The following INTS7 variants were observed in gnomAD, a reference collection of about 807,000 sequenced individuals.
INTS7 encodes chromosome 1 open reading frame 73.
Under a neutral mutation model 109.2 loss-of-function variants are expected in INTS7, and 46 were observed. That is an observed-to-expected ratio of 0.42 (90% confidence interval 0.33 to 0.54). INTS7 has a LOEUF of 0.54. Among genes scored for constraint, INTS7 ranks in the 20% least tolerant of loss-of-function variants. The probability of loss-of-function intolerance (pLI) is 0.07; values close to 1 mark genes in which losing one functional copy is unlikely to be tolerated. For synonymous variants in INTS7, 412 were observed against 402.9 expected, an observed-to-expected ratio of 1.02 and a Z score of -0.27; for missense variants, 929 against 1,132.4, an observed-to-expected ratio of 0.82 and a Z score of 2.58.
rs535685360 is a variant in INTS7 at position 211,944,901 on chromosome 1, C to T, written c.2484G>A (p.Ala828=). 6 of 1,614,220 alleles carry T rather than the reference C, an allele frequency of 3.7e-6. No homozygotes were observed. The highest frequency in any genetic ancestry group is 4.2e-6 in the Non-Finnish European group (5 of 1,180,016). ...GCTGAACCACTCCCTCTACCTTTAG[C>T]GCCAGCTGCTGGTTATTCTGGACAG... The part of the protein sequence containing the change: ...PIAVQNNQQL[A]LKVEGVVQHG... The change falls in exon 19 of 20, where the codon GCG becomes GCA. Residue 828 remains alanine (A), a synonymous_variant. Transcript: ENST00000366994.
At chr1:211,992,968 T>TC (rs1665209295) in intron 7 of INTS7, among the ~76,000 whole-genome samples, 1 of 152,218 alleles carries the variant, frequency 6.6e-6, no homozygotes, top group Non-Finnish European at 1.5e-5. Context: ...CTGGCTTAAC[T>TC]CACTACTCAA....
At chr1:211,967,352 T>C (rs1171067766) in intron 15 of INTS7, among the ~76,000 whole-genome samples, 1 of 145,820 alleles carries the variant, frequency 6.9e-6, no homozygotes, top group Non-Finnish European at 1.5e-5. Context: ...CTAGGGAGGC[T>C]GGGGCAGGAG....
At chr1:211,968,278 T>TA (rs1357997318) in intron 14 of INTS7, among the ~76,000 whole-genome samples, 4 of 152,210 alleles carry the variant, frequency 2.6e-5, no homozygotes, top group African/African-American at 4.8e-5. Flanking sequence ...CTCAAGTTTT[T>TA]AAAAAAATCT....
At chr1:212,009,797 C>G (rs185354236) in intron 5 of INTS7, among the ~76,000 whole-genome samples, 1 of 152,264 alleles carries the variant, frequency 6.6e-6, no homozygotes, top group East Asian at 1.9e-4. Flanking sequence ...AGTGATGCTT[C>G]CTTCTAATGT....
At chr1:211,952,830 G>A in intron 16 of INTS7, 129 bp from the exon 17 acceptor site, 1 of 895,054 alleles carries the variant, frequency 1.1e-6, no homozygotes, top group Non-Finnish European at 1.7e-6. Flanking sequence ...ATTTACAGGT[G>A]AGAAAATTGA....
intron 1 of INTS7, among the ~76,000 whole-genome samples, chr1:212,028,306 T>G (rs951535641): frequency 2.6e-5 from 4 of 152,366 alleles, no homozygotes; most frequent in African/African-American, 9.6e-5. Context: ...CAAATCATAC[T>G]TCACATAAAA....
At position 211,967,871 on chromosome 1, in the gene INTS7, G is replaced by A. The variant is rs1481993676; in HGVS notation, c.2114+7C>T. 3.3e-6 allele frequency: 5 copies of A among 1,508,602 alleles called. No individual in the cohort carries two copies. Among genetic ancestry groups the A allele is most frequent in the Admixed American group, 1.7e-5 (1 of 57,442 alleles). 93.5% of individuals were successfully genotyped at this position (1,508,602 alleles called of 1,614,324 possible). Reference sequence around the variant, plus strand: ...GAACAAGAAGTACTAGGGCAAGCTTGGGATACAGTTCAACATTCCTCAAAG... The same window carrying A: ...GAACAAGAAGTACTAGGGCAAGCTTAGGATACAGTTCAACATTCCTCAAAG... On this transcript the variant is annotated splice_region_variant and intron_variant, in intron 15 of 19. Coordinates refer to ENST00000366994, the MANE Select transcript of INTS7 (RefSeq NM_015434.4).
At chr1:211,956,827 G>A (rs1663382956) in intron 16 of INTS7, among the ~76,000 whole-genome samples, 1 of 152,078 alleles carries the variant, frequency 6.6e-6, no homozygotes, top group South Asian at 2.1e-4. Flanking sequence ...TTATCCATTA[G>A]CCTACTGAGA....
Position 211,941,788 on chromosome 1 carries a change from G to T in INTS7, c.*36C>A. ...CCAAACTGTTTCTGGCAATTTGATT[G>T]ATCTCTTGAGAGTCTGCAGTGCATT... On this transcript the variant is annotated 3_prime_UTR_variant, in exon 20 of 20. Transcript: ENST00000366994. The T allele has an allele frequency of 6.3e-7, 1 of 1,588,810 alleles. No homozygotes were observed.
rs1324242602 is a variant in INTS7, at chr1:212,006,714, T to C, written c.804A>G (p.Val268=). The change falls in exon 7 of 20, where the codon GTA becomes GTG. Residue 268 remains valine, a synonymous_variant. Coordinates refer to ENST00000366994, the MANE Select transcript of INTS7 (RefSeq NM_015434.4). ...TCAGATCTTGAATAGCAAGTCTCTT[T>C]ACTGCCTTCCTGGGATCATTCTTCA... The part of the protein sequence containing the change: ...QYLKNDPRKA[V]KRLAIQDLKL... 2 of 1,604,778 alleles carry C rather than the reference T, an allele frequency of 1.2e-6. No individual in the cohort carries two copies. Among genetic ancestry groups the C allele is most frequent in the Non-Finnish European group, 1.7e-6 (2 of 1,172,768 alleles).
At chr1:212,034,049 C>T (rs1329142766) in intron 1 of INTS7, among the ~76,000 whole-genome samples, 2 of 151,924 alleles carry the variant, frequency 1.3e-5, no homozygotes, top group African/African-American at 4.8e-5. Flanking sequence ...CGCCACTGCA[C>T]TCTAGCCTGG....
intron 1 of INTS7, among the ~76,000 whole-genome samples, chr1:212,024,087 C>A (rs1484207166): frequency 6.6e-6 from 1 of 152,066 alleles, no homozygotes. Flanking sequence ...TGTACCAGTA[C>A]CATGCTGTTT....
chr1:211,991,887 C>T (rs1417786845), intron 7 of INTS7, among the ~76,000 whole-genome samples: 1 of 152,120 alleles, frequency 6.6e-6, no homozygotes, highest in Non-Finnish European at 1.5e-5. Flanking sequence ...AGTTAAGTGC[C>T]AAAGAGGCCA....
intron 7 of INTS7, among the ~76,000 whole-genome samples, chr1:212,003,339 A>T (rs1364596528): frequency 6.6e-6 from 1 of 150,710 alleles, no homozygotes; most frequent in East Asian, 1.9e-4. Flanking sequence ...TTCAAAGAGT[A>T]TTACTATTTT....
At chr1:211,957,648 T>C (rs1663430952) in intron 16 of INTS7, among the ~76,000 whole-genome samples, 1 of 152,222 alleles carries the variant, frequency 6.6e-6, no homozygotes, top group African/African-American at 2.4e-5. Context: ...GAATATTTTC[T>C]TGCTGTCCGT....
chr1:211,995,756 G>C (rs1334069017), intron 7 of INTS7, among the ~76,000 whole-genome samples: 1 of 152,172 alleles, frequency 6.6e-6, no homozygotes, highest in East Asian at 1.9e-4. Flanking sequence ...AGGCCATAGG[G>C]AAGGAGCCCT....
At chr1:212,018,987 C>T (rs991761362) in intron 3 of INTS7, among the ~76,000 whole-genome samples, 3 of 152,166 alleles carry the variant, frequency 2.0e-5, no homozygotes, top group African/African-American at 7.2e-5. Context: ...CAGTGGCTCA[C>T]GCCTGTAATC....
intron 7 of INTS7, among the ~76,000 whole-genome samples, chr1:212,001,434 G>A (rs1045144659): frequency 6.6e-6 from 1 of 151,946 alleles, no homozygotes; most frequent in Non-Finnish European, 1.5e-5. Flanking sequence ...AATCCAGATC[G>A]AAAGTATTTG....
In INTS7 at chr1:211,942,670, C is replaced by A. The variant is rs2788138; in HGVS notation, c.2602-559G>T. Among the ~76,000 whole-genome samples the A allele has an allele frequency of 0.091, 13,884 of 152,160 alleles. 994 individuals carry two copies. The highest frequency in any genetic ancestry group is 0.2 in the African/African-American group (8,123 of 41,486). On this transcript the variant is annotated intron_variant, in intron 19 of 19. Coordinates refer to ENST00000366994, the MANE Select transcript of INTS7 (RefSeq NM_015434.4). The surrounding 1 kb of genome is among the most constrained non-coding windows in gnomAD (Gnocchi z 4.2). ...TACTCCTTTAACAAATTAACTGAAC[C>A]ATTTGTACATTGCTCATTTAATAAG...
Sources: gnomAD v4.1 joint callset for allele counts (sites outside exome capture counted in the v4.1 genomes callset) on GRCh38, gnomAD v4.1.1 for gene constraint, Gnocchi (gnomAD v3.1) non-coding constraint, MANE v1.5 for transcripts, NCBI Gene and HGNC (gene_info 2026-07-23, HGNC 2026-07-21) for gene names.